The following N4BP1 variants were observed in gnomAD, a reference collection of about 807,000 sequenced individuals.
N4BP1 encodes the protein NEDD4-binding protein 1.
Under a neutral mutation model 70.9 loss-of-function variants are expected in N4BP1, and 21 were observed. The ratio of observed to expected loss-of-function variants is 0.30; its 90% CI spans 0.21 to 0.43. The LOEUF (loss-of-function observed/expected upper bound fraction) is 0.43. Ranked by LOEUF, N4BP1 falls within the 20% of genes least tolerant of loss-of-function variation. The pLI, the probability that N4BP1 is intolerant of heterozygous loss-of-function variation, is 1.00. For missense variants in N4BP1, 936 were observed against 1,069.4 expected, an observed-to-expected ratio of 0.88 and a Z score of 1.74; for synonymous variants, 387 against 394.6, an observed-to-expected ratio of 0.98 and a Z score of 0.23.
At chr16:48,605,371 G>A (rs1964563907) in intron 1 of N4BP1, among the ~76,000 whole-genome samples, 1 of 152,178 alleles carries the variant, frequency 6.6e-6, no homozygotes, top group African/African-American at 2.4e-5. Flanking sequence ...CCACGGCTGA[G>A]ATCCCCTCAA....
At chr16:48,591,658 T>C (rs1377430450) in intron 1 of N4BP1, among the ~76,000 whole-genome samples, 1 of 149,746 alleles carries the variant, frequency 6.7e-6, no homozygotes, top group Non-Finnish European at 1.5e-5. Flanking sequence ...TCTTCTTGGA[T>C]ATTGGTTGTT....
At chr16:48,553,230 A>G (rs928282638) in intron 3 of N4BP1, among the ~76,000 whole-genome samples, 12 of 152,236 alleles carry the variant, frequency 7.9e-5, no homozygotes, top group East Asian at 5.8e-4. Flanking sequence ...AATACTATCT[A>G]AACAGTCAGA....
chr16:48,556,323 C>T (rs1963754590), intron 2 of N4BP1, among the ~76,000 whole-genome samples: 1 of 152,122 alleles, frequency 6.6e-6, no homozygotes, highest in Admixed American at 6.5e-5. Context: ...CGATTAAGGA[C>T]CCTTCTTCCT....
At chr16:48,575,158 C>T (rs911987308) in intron 1 of N4BP1, among the ~76,000 whole-genome samples, 10 of 152,114 alleles carry the variant, frequency 6.6e-5, no homozygotes, top group South Asian at 4.1e-4. Flanking sequence ...TTATTATATT[C>T]GAGTTCAGAA....
At chr16:48,579,722 T>C (rs1017715287) in intron 1 of N4BP1, among the ~76,000 whole-genome samples, 1 of 149,950 alleles carries the variant, frequency 6.7e-6, no homozygotes, top group Non-Finnish European at 1.5e-5. Flanking sequence ...TGCAAGAGAC[T>C]CACTTCACCA....
chr16:48,558,665 T>C (rs539608809), intron 2 of N4BP1, among the ~76,000 whole-genome samples: 1 of 152,344 alleles, frequency 6.6e-6, no homozygotes, highest in South Asian at 2.1e-4. Flanking sequence ...AGGATGAGAA[T>C]TGCTCACAAT....
chr16:48,551,530 C>A, intron 3 of N4BP1, 48 bp from the exon 4 acceptor site: 1 of 1,300,538 alleles, frequency 7.7e-7, no homozygotes, highest in Non-Finnish European at 1.1e-6. Flanking sequence ...GGCTATCTTC[C>A]CAAATGTATC....
chr16:48,567,410 T>C (rs9938890), intron 1 of N4BP1, among the ~76,000 whole-genome samples: 61,869 of 152,056 alleles, frequency 0.41, 13,621 homozygotes, highest in African/African-American at 0.57. Context: ...CTCCATCTCC[T>C]AGGTTCAAGC....
chr16:48,595,545 C>CA (rs985506667), intron 1 of N4BP1, among the ~76,000 whole-genome samples: 1 of 147,132 alleles, frequency 6.8e-6, no homozygotes, highest in African/African-American at 2.5e-5. Context: ...TTCTTGTAAA[C>CA]AAAATTTGAA....
In N4BP1 at chr16:48,548,125, A is replaced by T. The variant is rs777850917; in HGVS notation, c.2118-11T>A. On this transcript the variant is annotated splice_polypyrimidine_tract_variant and intron_variant, in intron 4 of 6. Coordinates refer to ENST00000262384, the MANE Select transcript of N4BP1 (RefSeq NM_153029.4). The stretch of plus-strand genomic sequence containing the variant: ...AAGTGTAGTAGAAACCTATGGTAAT[A>T]TAAGAGAGTTTAAAATCAGCAACAG... The T allele has an allele frequency of 6.6e-7, 1 of 1,526,342 alleles. No individual in the cohort carries two copies. Among genetic ancestry groups the T allele is most frequent in the East Asian group, 2.2e-5 (1 of 44,472 alleles). 94.5% of individuals were successfully genotyped at this position (1,526,342 alleles called of 1,614,324 possible). A position where few individuals can be genotyped will look rare whatever the true frequency, so the allele number is the denominator to read the frequency against.
chr16:48,546,324 A>G (rs1449912375), intron 5 of N4BP1, 70 bp from the exon 6 acceptor site: 3 of 1,081,564 alleles, frequency 2.8e-6, no homozygotes, highest in African/African-American at 3.3e-5. Flanking sequence ...AAGGATCCCA[A>G]AGCAGCCACC....
In N4BP1 at chr16:48,560,924, C is replaced by G; in HGVS notation, c.1719G>C (p.Ser573=). The G allele has an allele frequency of 1.2e-6, 2 of 1,613,872 alleles. No individual in the cohort carries two copies. Among genetic ancestry groups the G allele is most frequent in the Non-Finnish European group, 1.7e-6 (2 of 1,179,864 alleles). ...PPMPLPQLLP[S]VTDARSAGPS... is the part of the protein sequence containing the mutation. ...GTCCTGCCGACCTTGCATCAGTAAC[C>G]GAAGGTAACAGCTGGGGCAGTGGCA... The change falls in exon 2 of 7, where the codon TCG becomes TCC. Residue 573 remains serine (S), a synonymous_variant. Transcript: ENST00000262384.
At chr16:48,547,905 G>A (rs1963611905) in intron 5 of N4BP1, 102 bp downstream of exon 5, 1 of 765,012 alleles carries the variant, frequency 1.3e-6, no homozygotes, top group South Asian at 1.6e-5. Flanking sequence ...ATTGCCTTCT[G>A]TGGAGCCAAG....
At chr16:48,567,047 A>C (rs1198162723) in intron 1 of N4BP1, among the ~76,000 whole-genome samples, 1 of 152,204 alleles carries the variant, frequency 6.6e-6, no homozygotes, top group African/African-American at 2.4e-5. Flanking sequence ...TAATGTTTGC[A>C]TGGCACATGT....
chr16:48,603,314 T>TG (rs1441703768), intron 1 of N4BP1, among the ~76,000 whole-genome samples: 4 of 151,916 alleles, frequency 2.6e-5, no homozygotes, highest in African/African-American at 9.7e-5. Flanking sequence ...CCCAGGACTC[T>TG]GCTTGAAGTC....
At position 48,540,766 on chromosome 16, in the gene N4BP1, T is replaced by C. The variant is rs945837299; in HGVS notation, c.*2138A>G. 5 of 152,228 alleles carry C rather than the reference T, an allele frequency of 3.3e-5. No homozygotes were observed. The highest frequency in any genetic ancestry group is 6.5e-5 in the Admixed American group (1 of 15,282). 9.4% of individuals were successfully genotyped at this position (152,228 alleles called of 1,614,324 possible). ...CTGCAGGAGGTAGACAGGCTACAGA[T>C]ACTTATGCAGCAGCCACACTGAGGC... On this transcript the variant is annotated 3_prime_UTR_variant, in exon 7 of 7. Transcript: ENST00000262384.
Position 48,560,804 on chromosome 16 carries a change from C to G in N4BP1, c.1839G>C (p.Gly613=). The change falls in exon 2 of 7, where the codon GGG becomes GGC. Residue 613 remains glycine, a synonymous_variant. Coordinates refer to ENST00000262384, the MANE Select transcript of N4BP1 (RefSeq NM_153029.4). ...PYKLELKNEP[G]RTDLKHIVID... is the part of the protein sequence containing the mutation. The stretch of plus-strand genomic sequence containing the variant: ...TAACAATGTGTTTCAAATCCGTTCT[C>G]CCTGGTTCATTTTTTAATTCCAGCT... The G allele has an allele frequency of 6.2e-7, 1 of 1,613,558 alleles. No individual in the cohort carries two copies.
chr16:48,605,175 T>G (rs1168391777), intron 1 of N4BP1, among the ~76,000 whole-genome samples: 1 of 151,992 alleles, frequency 6.6e-6, no homozygotes, highest in Non-Finnish European at 1.5e-5. Context: ...TGGGATTACA[T>G]GCATGCGCCA....
intron 1 of N4BP1, among the ~76,000 whole-genome samples, chr16:48,563,804 T>C (rs768002768): frequency 1.3e-5 from 2 of 152,238 alleles, no homozygotes; most frequent in African/African-American, 2.4e-5. Context: ...TATATATTCA[T>C]GGGTTACACA....
Sources: allele counts gnomAD v4.1 joint callset (sites outside exome capture counted in the v4.1 genomes callset), GRCh38; gene constraint gnomAD v4.1.1; transcripts MANE v1.5; gene names NCBI Gene and HGNC (gene_info 2026-07-23, HGNC 2026-07-21).